The following CCDC12 variants were observed in gnomAD, a reference collection of about 807,000 sequenced individuals.
The protein encoded by CCDC12 is coiled-coil domain-containing protein 12.
CCDC12 carries 28 observed loss-of-function variants against 25.7 expected under a neutral mutation model. The observed-to-expected ratio is 1.09, with a 90% CI of 0.81 to 1.50. The LOEUF is 1.50. Among genes scored for constraint, CCDC12 ranks in the 40% most tolerant of loss-of-function variants. The pLI, the probability that CCDC12 is intolerant of heterozygous loss-of-function variation, is 0.00. For synonymous variants in CCDC12, 75 were observed against 87.7 expected (o/e 0.86, Z 0.81); for missense variants, 198 against 210.0 (o/e 0.94, Z 0.35).
At chr3:46,952,337 C>A (rs932339577) in intron 1 of CCDC12, among the ~76,000 whole-genome samples, 1 of 152,204 alleles carries the variant, frequency 6.6e-6, no homozygotes, top group East Asian at 1.9e-4. Context: ...AGAACTGAGG[C>A]TGGACCAGGT....
chr3:46,976,319 G>A (rs1256666066), intron 1 of CCDC12: 2 of 1,252,774 alleles, frequency 1.6e-6, no homozygotes, highest in Admixed American at 3.7e-5. Flanking sequence ...AACCCAACAA[G>A]CATCTGAACC....
At chr3:46,977,590 C>T (rs2035034567), upstream of CCDC12, among the ~76,000 whole-genome samples, 1 of 152,082 alleles carries the variant, frequency 6.6e-6, no homozygotes, top group African/African-American at 2.4e-5. Flanking sequence ...ACCTGACAAG[C>T]GCCCCTAAGC....
At chr3:46,973,768 G>A (rs531971549) in intron 1 of CCDC12, among the ~76,000 whole-genome samples, 21 of 151,700 alleles carry the variant, frequency 1.4e-4, no homozygotes, top group Non-Finnish European at 2.5e-4. Context: ...GCCCACCACC[G>A]CGCTCGGCTA....
At chr3:46,972,532 C>T (rs966860817) in intron 1 of CCDC12, among the ~76,000 whole-genome samples, 6 of 151,996 alleles carry the variant, frequency 3.9e-5, no homozygotes, top group Non-Finnish European at 7.4e-5. Context: ...GGCAAACAAG[C>T]ATATGAAAGG....
intron 1 of CCDC12, among the ~76,000 whole-genome samples, chr3:46,942,092 TG>T (rs1226646310): frequency 6.6e-6 from 1 of 152,226 alleles, no homozygotes; most frequent in African/African-American, 2.4e-5. Context: ...TCAGGTGCAC[TG>T]GGGGCCACAA....
At chr3:46,961,014 G>A (rs183719602) in intron 1 of CCDC12, among the ~76,000 whole-genome samples, 1 of 151,926 alleles carries the variant, frequency 6.6e-6, no homozygotes, top group East Asian at 1.9e-4. Flanking sequence ...GGAGGGTGTG[G>A]GGAGAAGGGA....
intron 1 of CCDC12, among the ~76,000 whole-genome samples, chr3:46,970,946 C>T (rs1252667212): frequency 6.6e-6 from 1 of 152,182 alleles, no homozygotes; most frequent in East Asian, 1.9e-4. Flanking sequence ...CCCAGGCTGG[C>T]TACCATCCCT....
chr3:46,971,463 C>T (rs1290933111), intron 1 of CCDC12, among the ~76,000 whole-genome samples: 2 of 152,228 alleles, frequency 1.3e-5, no homozygotes, highest in African/African-American at 2.4e-5. Flanking sequence ...GCTCCTCTCA[C>T]TAATAAGTGG....
At chr3:46,976,537 G>A (rs1341920695) in intron 1 of CCDC12, 100 bp downstream of exon 1, 10 of 1,468,782 alleles carry the variant, frequency 6.8e-6, no homozygotes, top group African/African-American at 1.4e-5. Flanking sequence ...GCGCGCCCTC[G>A]GCAGCTGTCT....
At chr3:46,938,518 GTTTTTTTTTTTTTT>G (rs66474878) in intron 2 of CCDC12, among the ~76,000 whole-genome samples, 1 of 91,380 alleles carries the variant, frequency 1.1e-5, no homozygotes, top group Non-Finnish European at 2.0e-5. Flanking sequence ...TTCCCCTCCT[GTTTTTTTTTTTTTT>G]TTTTTTTTTT....
intron 5 of CCDC12, 73 bp downstream of exon 5, chr3:46,923,256 C>G: frequency 1.4e-6 from 2 of 1,396,988 alleles, no homozygotes; most frequent in South Asian, 3.4e-5. Context: ...CAGGAAGGGC[C>G]AAGCCCCAGG....
chr3:46,940,213 A>ACTG (rs1479359863), intron 2 of CCDC12, among the ~76,000 whole-genome samples: 1 of 152,188 alleles, frequency 6.6e-6, no homozygotes, highest in Non-Finnish European at 1.5e-5. Context: ...TTCCGGCAAC[A>ACTG]GTTTCCAGGC....
intron 1 of CCDC12, among the ~76,000 whole-genome samples, chr3:46,957,996 C>CATACACACACACAT (rs2034351920): frequency 7.0e-6 from 1 of 142,582 alleles, no homozygotes; most frequent in Non-Finnish European, 1.5e-5. Flanking sequence ...CACACACACA[C>CATACACACACACAT]ATATATATGT....
At chr3:46,934,799 C>T (rs529674267) in intron 2 of CCDC12, among the ~76,000 whole-genome samples, 3 of 152,348 alleles carry the variant, frequency 2.0e-5, no homozygotes, top group African/African-American at 7.2e-5. Context: ...ATCTCCACTG[C>T]CCATGACTGG....
intron 2 of CCDC12, among the ~76,000 whole-genome samples, chr3:46,933,860 T>C (rs1020038890): frequency 4.6e-5 from 7 of 152,236 alleles, no homozygotes; most frequent in African/African-American, 1.4e-4. Context: ...CAGATACATG[T>C]TGATCTGTAG....
chr3:46,950,722 T>G (rs1486267780), intron 1 of CCDC12, among the ~76,000 whole-genome samples: 1 of 152,148 alleles, frequency 6.6e-6, no homozygotes, highest in Non-Finnish European at 1.5e-5. Context: ...ACTTAATTTT[T>G]AAAAGTGAGG....
intron 1 of CCDC12, among the ~76,000 whole-genome samples, chr3:46,950,820 A>G (rs2034089004): frequency 1.3e-5 from 2 of 149,020 alleles, no homozygotes; most frequent in African/African-American, 4.9e-5. Flanking sequence ...TTCAGGCTTC[A>G]AAAAAAAAAG....
chr3:46,933,548 A>G (rs1020395426), intron 2 of CCDC12, among the ~76,000 whole-genome samples: 1 of 152,258 alleles, frequency 6.6e-6, no homozygotes, highest in Non-Finnish European at 1.5e-5. Context: ...CTGCCATCGC[A>G]TCTGCATCAT....
chr3:46,977,213 G>T (rs1200679911), upstream of CCDC12, among the ~76,000 whole-genome samples: 1 of 152,122 alleles, frequency 6.6e-6, no homozygotes, highest in Admixed American at 6.5e-5. Context: ...GGTGGCTCAC[G>T]CCTGTAATCC....
Sources: gnomAD v4.1 joint callset for allele counts (sites outside exome capture counted in the v4.1 genomes callset) on GRCh38, gnomAD v4.1.1 for gene constraint, MANE v1.5 for transcripts, NCBI Gene and HGNC (gene_info 2026-07-23, HGNC 2026-07-21) for gene names.